The following SPATA9 variants were observed in gnomAD, a reference collection of about 807,000 sequenced individuals.
SPATA9 encodes spermatogenesis associated 9, also known as spermatogenesis-associated protein 9.
SPATA9 carries 27 observed loss-of-function variants against 25.5 expected under a neutral mutation model. The observed-to-expected ratio is 1.06, with a 90% CI of 0.78 to 1.46. SPATA9 has a LOEUF of 1.46. Among genes scored for constraint, SPATA9 ranks in the 40% most tolerant of loss-of-function variants. SPATA9 has a pLI of 0.00. For missense variants in SPATA9, 282 were observed against 297.5 expected (o/e 0.95, Z 0.38); for synonymous variants, 102 against 105.7 (o/e 0.97, Z 0.21).
chr5:95,669,093 C>T (rs1252529570), intron 3 of SPATA9, among the ~76,000 whole-genome samples: 2 of 152,212 alleles, frequency 1.3e-5, no homozygotes, highest in African/African-American at 4.8e-5. Flanking sequence ...CCTTTGAATA[C>T]AGGAAAGACT....
chr5:95,728,787 A>G, the SPATA9 span, among the ~76,000 whole-genome samples: 3 of 152,196 alleles, frequency 2.0e-5, no homozygotes, highest in Non-Finnish European at 2.9e-5. Flanking sequence ...GGAGGTCAGC[A>G]CAGGATACAG....
chr5:95,695,335 C>T (rs1417823215), intron 1 of SPATA9, among the ~76,000 whole-genome samples: 3 of 152,190 alleles, frequency 2.0e-5, no homozygotes, highest in African/African-American at 4.8e-5. Flanking sequence ...CAGTGGCTCA[C>T]GCCTGTAATC....
At chr5:95,675,357 C>T in intron 3 of SPATA9, 55 bp downstream of exon 3, 3 of 1,467,114 alleles carry the variant, frequency 2.0e-6, no homozygotes, top group East Asian at 2.3e-5. Context: ...TCAAGTTTTG[C>T]AAATTTAAAA....
intron 4 of SPATA9, among the ~76,000 whole-genome samples, chr5:95,662,185 T>C (rs213511): frequency 0.3 from 45,216 of 151,992 alleles, 6,978 homozygotes; most frequent in Middle Eastern, 0.4. Flanking sequence ...AAAGGGCTTT[T>C]TTTAAAGAAA....
the SPATA9 span, among the ~76,000 whole-genome samples, chr5:95,705,521 G>A: frequency 1.3e-5 from 2 of 152,180 alleles, no homozygotes; most frequent in South Asian, 4.1e-4. Flanking sequence ...TTTATGTACA[G>A]AACTAAGTGA....
At position 95,670,828 on chromosome 5, in the gene SPATA9, A is replaced by T. The variant is rs1419899766; in HGVS notation, c.378+4584T>A. The T allele has an allele frequency of 3.0e-6, 3 of 985,042 alleles. No individual in the cohort carries two copies. In the African/African-American group the frequency reaches 5.2e-5, roughly 17 times the overall value. The allele number at this position is 985,042 out of a possible 1,614,324, so 61.0% of individuals were successfully genotyped here. On this transcript the variant is annotated intron_variant, in intron 3 of 4. Transcript: ENST00000274432. ...GCCACATCTCATACATTCCGGTTGC[A>T]CCTTTGACTCTCCAGGCCATTGTCC...
intron 1 of SPATA9, among the ~76,000 whole-genome samples, chr5:95,691,117 G>A (rs1488954217): frequency 6.6e-6 from 1 of 151,982 alleles, no homozygotes; most frequent in Non-Finnish European, 1.5e-5. Context: ...TTGGGAGGCT[G>A]AGGCAGGAGA....
chr5:95,731,935 A>T, the SPATA9 span: 1 of 1,613,944 alleles, frequency 6.2e-7, no homozygotes, highest in Non-Finnish European at 8.5e-7. Context: ...GCTTATCCGC[A>T]CTTACCTGGG....
chr5:95,705,735 A>G, the SPATA9 span, among the ~76,000 whole-genome samples: 1 of 152,206 alleles, frequency 6.6e-6, no homozygotes, highest in Non-Finnish European at 1.5e-5. Flanking sequence ...CAATATGAAA[A>G]GCCTTTTCAT....
intron 4 of SPATA9, 113 bp from the exon 5 acceptor site, chr5:95,659,026 T>C: frequency 7.5e-7 from 1 of 1,337,572 alleles, no homozygotes; most frequent in Non-Finnish European, 1.0e-6. Flanking sequence ...CATAATCTAA[T>C]AAAAAACACT....
chr5:95,712,722 C>G, the SPATA9 span, among the ~76,000 whole-genome samples: 1 of 152,162 alleles, frequency 6.6e-6, no homozygotes, highest in South Asian at 2.1e-4. Flanking sequence ...CCCCAGACAT[C>G]ATGGAGCCGA....
the SPATA9 span, chr5:95,731,446 A>G: frequency 8.3e-7 from 1 of 1,205,856 alleles, no homozygotes; most frequent in South Asian, 3.9e-5. Context: ...GTTCCCGGGC[A>G]CTCCCTGAGT....
the SPATA9 span, among the ~76,000 whole-genome samples, chr5:95,725,694 T>C: frequency 6.6e-6 from 1 of 152,262 alleles, no homozygotes; most frequent in East Asian, 1.9e-4. Context: ...TATAACCTCT[T>C]ACAGTGCTGT....
In SPATA9 at chr5:95,663,913, G is replaced by A. The variant is rs753692155; in HGVS notation, c.474+40C>T. On this transcript the variant is annotated intron_variant, in intron 4 of 4. Transcript: ENST00000274432. ...GTATTATTAACATTACACAAAATAA[G>A]TAGATTTATTTCTAGATTCTAATAA... The A allele has an allele frequency of 1.6e-5, 19 of 1,152,096 alleles. No individual in the cohort carries two copies. The Admixed American group carries it at 4.1e-4, about 25-fold the overall frequency. 71.4% of individuals were successfully genotyped at this position (1,152,096 alleles called of 1,614,324 possible). A position where few individuals can be genotyped will look rare whatever the true frequency, so the allele number is the denominator to read the frequency against.
chr5:95,687,634 A>G (rs1293569416), upstream of SPATA9, among the ~76,000 whole-genome samples: 2 of 152,208 alleles, frequency 1.3e-5, no homozygotes, highest in Non-Finnish European at 1.5e-5. Context: ...TACCATTAAT[A>G]AGGAGCAGGC....
downstream of SPATA9, chr5:95,658,074 C>T (rs1337237894): frequency 6.6e-6 from 1 of 152,112 alleles, no homozygotes; most frequent in Non-Finnish European, 1.5e-5. Flanking sequence ...ATATCATGTA[C>T]TGTCTTCATA....
At chr5:95,724,981 C>A in the SPATA9 span, among the ~76,000 whole-genome samples, 15 of 151,594 alleles carry the variant, frequency 9.9e-5, no homozygotes, top group African/African-American at 3.6e-4. Context: ...TGAGTCTAGC[C>A]TAGTCAAAAA....
chr5:95,686,381 G>A (rs1039868890), upstream of SPATA9, among the ~76,000 whole-genome samples: 1 of 151,546 alleles, frequency 6.6e-6, no homozygotes, highest in Admixed American at 6.6e-5. Context: ...AAAATTATAT[G>A]TACACAAATG....
the SPATA9 span, among the ~76,000 whole-genome samples, chr5:95,721,693 TAA>T: frequency 1.4e-4 from 19 of 132,146 alleles, no homozygotes; most frequent in Non-Finnish European, 1.3e-4. Context: ...CTGAGAGCAT[TAA>T]AAAAAAAAAA....
Sources: allele counts gnomAD v4.1 joint callset (sites outside exome capture counted in the v4.1 genomes callset), GRCh38; gene constraint gnomAD v4.1.1; transcripts MANE v1.5; gene names NCBI Gene and HGNC (gene_info 2026-07-23, HGNC 2026-07-21).